SCUBE1: variants seen among roughly 807,000 people sequenced by gnomAD.
The protein encoded by SCUBE1 is signal peptide, CUB and EGF-like domain-containing protein 1.
In SCUBE1, 59 loss-of-function variants were observed where a neutral mutation model predicts 124.4. The observed-to-expected ratio is 0.47, with a 90% CI of 0.38 to 0.59. The LOEUF (loss-of-function observed/expected upper bound fraction) is 0.59. Ranked by LOEUF, SCUBE1 falls within the 20% of genes least tolerant of loss-of-function variation. The pLI is 0.00. For synonymous variants in SCUBE1, 545 were observed against 550.9 expected, an observed-to-expected ratio of 0.99 and a Z score of 0.15; for missense variants, 1,150 against 1,371.2, an observed-to-expected ratio of 0.84 and a Z score of 2.55.
At chr22:43,235,112 CCAGCGTG>C (rs1922704287) in intron 7 of SCUBE1, among the ~76,000 whole-genome samples, 1 of 152,158 alleles carries the variant, frequency 6.6e-6, no homozygotes, top group South Asian at 2.1e-4. Flanking sequence ...GCCCCAGGGC[CCAGCGTG>C]AGTGTCTAGG....
At chr22:43,298,703 C>T (rs1407269220) in intron 3 of SCUBE1, among the ~76,000 whole-genome samples, 1 of 151,798 alleles carries the variant, frequency 6.6e-6, no homozygotes, top group African/African-American at 2.4e-5. Flanking sequence ...TGCCCTGTGA[C>T]CACTGCCCAT....
At chr22:43,249,259 C>T (rs1445252943) in intron 6 of SCUBE1, among the ~76,000 whole-genome samples, 1 of 150,782 alleles carries the variant, frequency 6.6e-6, no homozygotes. Context: ...AAATCAGGGA[C>T]ACCCGGGACC....
At position 43,320,112 on chromosome 22, in the gene SCUBE1, T is replaced by G. The variant is rs115623971; in HGVS notation, c.221-47A>C. ...AGGTGTCAGAAGAAGAGCCTGGTGG[T>G]CCCCTCTCCCAACACCATGGAAGCC... On this transcript the variant is annotated intron_variant, in intron 2 of 21. Coordinates refer to ENST00000360835, the MANE Select transcript of SCUBE1 (RefSeq NM_173050.5). The G allele has an allele frequency of 1.4e-3, 2,239 of 1,609,888 alleles. 29 individuals are homozygous for G. In the African/African-American group the frequency reaches 0.026, roughly 19 times the overall value.
rs1004546645 is a variant in SCUBE1 at position 43,258,979 on chromosome 22, A to G, written c.611-644T>C. Among the ~76,000 whole-genome samples the G allele has an allele frequency of 6.6e-6, 1 of 152,204 alleles. No individual in the cohort carries two copies. The highest frequency in any genetic ancestry group is 6.5e-5 in the Admixed American group (1 of 15,288). On this transcript the variant is annotated intron_variant, in intron 5 of 21. Transcript: ENST00000360835. This position sits in a 1 kb window ranked among gnomAD's most constrained non-coding sequence, Gnocchi z 5.0. ...AGGTACGGTTTTGAAAATCACCTAA[A>G]TAATAACCACGTTACATTGTTTTCG... is the stretch of plus-strand genomic sequence containing the variant.
chr22:43,248,836 G>T (rs899108332), intron 6 of SCUBE1, among the ~76,000 whole-genome samples: 1 of 152,146 alleles, frequency 6.6e-6, no homozygotes, highest in Non-Finnish European at 1.5e-5. Context: ...TCTCTGAGCT[G>T]GATACCTGCC....
chr22:43,225,820 C>T (rs1922280706), intron 10 of SCUBE1, among the ~76,000 whole-genome samples: 1 of 152,056 alleles, frequency 6.6e-6, no homozygotes, highest in Non-Finnish European at 1.5e-5. Flanking sequence ...CCCCCTAACA[C>T]CCTCAATGAA....
chr22:43,279,625 C>A (rs1924680844), intron 4 of SCUBE1, among the ~76,000 whole-genome samples: 1 of 152,180 alleles, frequency 6.6e-6, no homozygotes. Context: ...GTTATAGAAG[C>A]AGGAATGAAG....
At chr22:43,275,358 G>T (rs950400889) in intron 4 of SCUBE1, among the ~76,000 whole-genome samples, 1 of 152,234 alleles carries the variant, frequency 6.6e-6, no homozygotes, top group African/African-American at 2.4e-5. Flanking sequence ...CACGAGGGGT[G>T]TGAAGGCACT....
At chr22:43,246,836 C>G (rs1166513867) in intron 6 of SCUBE1, among the ~76,000 whole-genome samples, 1 of 152,164 alleles carries the variant, frequency 6.6e-6, no homozygotes, top group Non-Finnish European at 1.5e-5. Context: ...GTGATGTGCT[C>G]CCCACTCCCA....
chr22:43,338,540 T>C (rs542321067), intron 2 of SCUBE1, among the ~76,000 whole-genome samples: 1 of 151,780 alleles, frequency 6.6e-6, no homozygotes, highest in South Asian at 2.1e-4. Context: ...TTTTCTTTTT[T>C]TTTGAGACAG....
chr22:43,260,648 G>A (rs955928876), intron 5 of SCUBE1, among the ~76,000 whole-genome samples: 1 of 152,266 alleles, frequency 6.6e-6, no homozygotes, highest in Non-Finnish European at 1.5e-5. Context: ...TCGCTGGGCA[G>A]CTGCCTGTGC....
At chr22:43,314,655 G>A (rs1926282967) in intron 3 of SCUBE1, among the ~76,000 whole-genome samples, 1 of 152,156 alleles carries the variant, frequency 6.6e-6, no homozygotes. Flanking sequence ...TAGGCAAAAG[G>A]TGGCTGCTTT....
At chr22:43,316,116 A>G (rs2899372) in intron 3 of SCUBE1, among the ~76,000 whole-genome samples, 1 of 152,136 alleles carries the variant, frequency 6.6e-6, no homozygotes, top group Non-Finnish European at 1.5e-5. Flanking sequence ...TTACATGTTG[A>G]ATATTTGGTG....
chr22:43,294,362 CAT>C (rs1925481432), intron 3 of SCUBE1, among the ~76,000 whole-genome samples: 1 of 152,208 alleles, frequency 6.6e-6, no homozygotes, highest in Non-Finnish European at 1.5e-5. Flanking sequence ...GTCTGAAGAG[CAT>C]CCAACTGCAG....
intron 3 of SCUBE1, among the ~76,000 whole-genome samples, chr22:43,306,676 C>T (rs1278919747): frequency 1.3e-5 from 2 of 152,146 alleles, no homozygotes; most frequent in Non-Finnish European, 2.9e-5. Flanking sequence ...TGCCACCTTC[C>T]TTCACGTACA....
chr22:43,219,720 C>T (rs1025515314), intron 14 of SCUBE1, among the ~76,000 whole-genome samples: 1 of 152,008 alleles, frequency 6.6e-6, no homozygotes, highest in Non-Finnish European at 1.5e-5. Context: ...GTGATCCACC[C>T]ACTTTGGCCC....
At chr22:43,227,542 G>GC in intron 9 of SCUBE1, 46 bp from the exon 10 acceptor site, 1 of 1,592,976 alleles carries the variant, frequency 6.3e-7, no homozygotes, top group Non-Finnish European at 8.5e-7. Context: ...CTGGCGGCTG[G>GC]CGGCTGGCAG....
At chr22:43,316,674 C>G (rs1248853800) in intron 3 of SCUBE1, among the ~76,000 whole-genome samples, 1 of 152,148 alleles carries the variant, frequency 6.6e-6, no homozygotes, top group South Asian at 2.1e-4. Context: ...TGCCCTTGGT[C>G]TAGCAAACTT....
At chr22:43,264,962 G>C (rs942404380) in intron 4 of SCUBE1, among the ~76,000 whole-genome samples, 1 of 152,246 alleles carries the variant, frequency 6.6e-6, no homozygotes, top group South Asian at 2.1e-4. Flanking sequence ...CGGCACAGGA[G>C]ATCAATGCTG....
Sources: gnomAD v4.1 joint callset for allele counts (sites outside exome capture counted in the v4.1 genomes callset) on GRCh38, gnomAD v4.1.1 for gene constraint, Gnocchi (gnomAD v3.1) non-coding constraint, MANE v1.5 for transcripts, NCBI Gene and HGNC (gene_info 2026-07-23, HGNC 2026-07-21) for gene names.